DHX57: variants seen among roughly 807,000 people sequenced by gnomAD.
DHX57 encodes the protein DExH-box helicase 57.
A neutral mutation model predicts 156.2 loss-of-function variants in DHX57; 105 were observed. That is an observed-to-expected ratio of 0.67 (90% CI 0.57 to 0.79). The LOEUF is 0.79. Among genes scored for constraint, DHX57 ranks in the 30% least tolerant of loss-of-function variants. The probability of loss-of-function intolerance (pLI) is 0.00; values close to 1 mark genes in which losing one functional copy is unlikely to be tolerated. For synonymous variants in DHX57, 704 were observed against 595.6 expected, an observed-to-expected ratio of 1.18 and a Z score of -2.65; for missense variants, 1,847 against 1,661.9, an observed-to-expected ratio of 1.11 and a Z score of -1.94.
chr2:38,825,793 G>T (rs1308345329), intron 16 of DHX57, 54 bp downstream of exon 16: 1 of 1,561,618 alleles, frequency 6.4e-7, no homozygotes, highest in Non-Finnish European at 8.8e-7. Flanking sequence ...GAACTTAATA[G>T]AGTGAGAAAC....
intron 14 of DHX57, 87 bp downstream of exon 14, chr2:38,828,253 G>C: frequency 1.1e-6 from 1 of 928,058 alleles, no homozygotes; most frequent in Non-Finnish European, 1.6e-6. Context: ...TCGAAGACTG[G>C]TGCTCTTCCA....
intron 22 of DHX57, 149 bp downstream of exon 22, chr2:38,806,410 C>G (rs1420527251): frequency 8.3e-6 from 7 of 845,862 alleles, no homozygotes; most frequent in African/African-American, 1.7e-5. Context: ...AGTCCAATTT[C>G]CAGTCTGTTT....
Position 38,843,157 on chromosome 2 carries a change from T to C in DHX57, c.2273A>G (p.Lys758Arg). 2 of 1,614,214 alleles carry C rather than the reference T, an allele frequency of 1.2e-6. No individual in the cohort carries two copies. Among genetic ancestry groups the C allele is most frequent in the South Asian group, 2.2e-5 (2 of 91,086 alleles). Residue 758 changes from lysine to arginine, a missense_variant, in exon 12 of 24, where the codon AAG (lysine) becomes AGG (arginine). Lys to Arg is a conservative substitution (Grantham distance 26). Transcript: ENST00000457308. ...PYMRSMKQIS[K>R]EKLKARRNRT... Reference sequence around the variant, plus strand: ...GTTCCGCCTTGCTTTAAGCTTTTCCTTTGAAATCTGTTTCATGGACCGCAT... The same window carrying C: ...GTTCCGCCTTGCTTTAAGCTTTTCCCTTGAAATCTGTTTCATGGACCGCAT...
At position 38,802,786 on chromosome 2, in the gene DHX57, G is replaced by A. The variant is rs1669749837; in HGVS notation, c.3946C>T (p.Gln1316Ter). Residue 1316 changes from glutamine to a stop codon, truncating the protein, a stop_gained, in exon 23 of 24, where the codon CAG (glutamine) becomes TAG (stop). Coordinates refer to ENST00000457308, the MANE Select transcript of DHX57 (RefSeq NM_198963.3). LOFTEE classifies it high-confidence loss of function. ...ACAACGAACTCTCCTCTTTGAAGCT[G>A]CACATTCACTTGGCCTCCTCCAAAC... is the stretch of plus-strand genomic sequence containing the variant. ...VLFGGGQVNV[Q>*]LQRGEFVVSL... is the part of the protein sequence containing the mutation. 7 of 1,614,118 alleles carry A rather than the reference G, an allele frequency of 4.3e-6. No homozygotes were observed. Among genetic ancestry groups the A allele is most frequent in the Non-Finnish European group, 5.9e-6 (7 of 1,180,032 alleles).
Position 38,843,078 on chromosome 2 carries a change from C to T in DHX57, c.2352G>A (p.Gln784=). ...CTGCATCTTTGACAGAATCCTGATC[C>T]TGGAGGTGAAGGGAGAGCCTTAGGT... ...EEDLRLSLHL[Q]DQDSVKDAVP... Residue 784 remains glutamine, a synonymous_variant, in exon 12 of 24, where the codon CAG becomes CAA. Transcript: ENST00000457308. 2 of 1,614,158 alleles carry T rather than the reference C, an allele frequency of 1.2e-6. No individual in the cohort carries two copies. The highest frequency in any genetic ancestry group is 1.7e-6 in the Non-Finnish European group (2 of 1,180,008).
At chr2:38,859,623 C>T (rs752887432) in intron 5 of DHX57, among the ~76,000 whole-genome samples, 1 of 151,804 alleles carries the variant, frequency 6.6e-6, no homozygotes, top group Non-Finnish European at 1.5e-5. Flanking sequence ...CATTTGAATC[C>T]CATGCGCTAG....
intron 13 of DHX57, among the ~76,000 whole-genome samples, chr2:38,834,389 A>G (rs1232676475): frequency 6.6e-6 from 1 of 151,974 alleles, no homozygotes; most frequent in African/African-American, 2.4e-5. Context: ...TGAACTATAT[A>G]ATACAGTATA....
chr2:38,806,403 C>G, intron 22 of DHX57, 156 bp downstream of exon 22: 1 of 797,712 alleles, frequency 1.3e-6, no homozygotes, highest in Non-Finnish European at 1.9e-6. Flanking sequence ...CAGAAATAGT[C>G]CAATTTCCAG....
chr2:38,858,832 T>C lies in DHX57; in HGVS notation c.1416A>G (p.Glu472=), dbSNP rs762646759. 4.4e-6 allele frequency: 7 copies of C among 1,607,442 alleles called. No homozygotes were observed. In the African/African-American group the frequency reaches 6.7e-5, roughly 15 times the overall value. The change falls in exon 6 of 24, where the codon GAA becomes GAG. Residue 472 remains glutamate, a synonymous_variant. Coordinates refer to ENST00000457308, the MANE Select transcript of DHX57 (RefSeq NM_198963.3). ...SFVSNQIPEV[E]KASESEESDE... is the part of the protein sequence containing the mutation. ...CTGACTCCTCAGATTCTGATGCTTTTTCAACTTGAAGGAAATAAAAGAAAA... is the reference window on the plus strand; with the variant it reads ...CTGACTCCTCAGATTCTGATGCTTTCTCAACTTGAAGGAAATAAAAGAAAA...
intron 17 of DHX57, 143 bp downstream of exon 17, chr2:38,822,850 C>T: frequency 1.3e-6 from 1 of 791,814 alleles, no homozygotes; most frequent in Non-Finnish European, 2.0e-6. Flanking sequence ...TTCTCCCTCC[C>T]ATGCAGATGT....
intron 23 of DHX57, among the ~76,000 whole-genome samples, chr2:38,802,391 G>A (rs1045612198): frequency 5.9e-5 from 9 of 151,702 alleles, no homozygotes; most frequent in African/African-American, 2.2e-4. Flanking sequence ...AGGTTCAAGC[G>A]ATTCTCATGT....
At chr2:38,852,113 T>C (rs949012647) in intron 9 of DHX57, among the ~76,000 whole-genome samples, 8 of 151,980 alleles carry the variant, frequency 5.3e-5, no homozygotes, top group Admixed American at 2.0e-4. Flanking sequence ...AATTACTTCA[T>C]ATTTCTTATT....
chr2:38,858,606 C>G, intron 6 of DHX57, 55 bp downstream of exon 6: 3 of 1,533,948 alleles, frequency 2.0e-6, no homozygotes, highest in Admixed American at 4.3e-5. Context: ...AATTCCTAAT[C>G]CCATCATCCA....
In DHX57 at chr2:38,800,710, G is replaced by A. The variant is rs906195647; in HGVS notation, c.4017+2005C>T. Among the ~76,000 whole-genome samples the A allele has an allele frequency of 3.9e-5, 6 of 152,154 alleles. No homozygotes were observed. In the South Asian group the frequency reaches 1.0e-3, roughly 26 times the overall value. ...GGACCATATGCTGCATACATGTGAT[G>A]CCAGGAGCTATTGCAGCCCTTTCGA... On this transcript the variant is annotated intron_variant, in intron 23 of 23. Transcript: ENST00000457308.
intron 14 of DHX57, among the ~76,000 whole-genome samples, chr2:38,827,726 T>C (rs1480127931): frequency 6.6e-6 from 1 of 151,646 alleles, no homozygotes; most frequent in Non-Finnish European, 1.5e-5. Context: ...TAGGAACTAT[T>C]GAAGATGATT....
chr2:38,845,093 A>T (rs1672198665), intron 11 of DHX57, among the ~76,000 whole-genome samples: 1 of 152,146 alleles, frequency 6.6e-6, no homozygotes, highest in Non-Finnish European at 1.5e-5. Flanking sequence ...GCTACTTAGT[A>T]TTCTGAGGTA....
At chr2:38,822,865 TA>T in intron 17 of DHX57, 127 bp downstream of exon 17, 1 of 1,007,370 alleles carries the variant, frequency 9.9e-7, no homozygotes, top group Non-Finnish European at 1.4e-6. Context: ...AGATGTGCCC[TA>T]AAAATTCACA....
chr2:38,848,460 T>C, intron 9 of DHX57, 58 bp from the exon 10 acceptor site: 2 of 1,516,040 alleles, frequency 1.3e-6, no homozygotes, highest in Non-Finnish European at 1.8e-6. Flanking sequence ...TGAAAATTAG[T>C]AACTTTTACT....
intron 9 of DHX57, among the ~76,000 whole-genome samples, chr2:38,852,354 T>TA (rs1422058423): frequency 7.5e-6 from 1 of 132,870 alleles, no homozygotes; most frequent in Non-Finnish European, 1.7e-5. Flanking sequence ...TTTTTTTTTT[T>TA]AATGTTTTGC....
Sources: gnomAD v4.1 joint callset for allele counts (sites outside exome capture counted in the v4.1 genomes callset) on GRCh38, gnomAD v4.1.1 for gene constraint, MANE v1.5 for transcripts, NCBI Gene and HGNC (gene_info 2026-07-23, HGNC 2026-07-21) for gene names.